Variants in SRF observed in about 807,000 individuals in gnomAD.
The protein encoded by SRF is c-fos serum response element-binding transcription factor.
Under a neutral mutation model 37.1 loss-of-function variants are expected in SRF, and 7 were observed. The observed-to-expected ratio is 0.19, with a 90% confidence interval of 0.11 to 0.35. SRF has a LOEUF of 0.35. SRF is among the 10% of genes least tolerant of loss of function. The pLI, the probability that SRF is intolerant of heterozygous loss-of-function variation, is 1.00. For missense variants in SRF, 395 were observed against 694.4 expected (o/e 0.57, Z 4.85); for synonymous variants, 285 against 310.1 (o/e 0.92, Z 0.85).
At position 43,176,015 on chromosome 6, in the gene SRF, A is replaced by G. The variant is rs1263545195; in HGVS notation, c.1042+48A>G. On this transcript the variant is annotated intron_variant, in intron 3 of 6. Transcript: ENST00000265354. The surrounding 1 kb of genome is among the most constrained non-coding windows in gnomAD (Gnocchi z 4.0). Reference sequence around the variant, plus strand: ...AGATTCGTCCTTCCTGGGGCAAATCAAGCATGCTAAGAGTGTGTTTAGGGC... The same window carrying G: ...AGATTCGTCCTTCCTGGGGCAAATCGAGCATGCTAAGAGTGTGTTTAGGGC... The G allele has an allele frequency of 6.3e-7, 1 of 1,593,222 alleles. No homozygotes were observed. The highest frequency in any genetic ancestry group is 8.5e-7 in the Non-Finnish European group (1 of 1,172,030).
rs1292717364 is a variant in SRF, at chr6:43,172,779, C to G, written c.513+610C>G. ...GGCCGTGAGTCTTCCATGGCATCCACTGGGAACCACATGCTCCTGGCAGGA... is the reference window on the plus strand; with the variant it reads ...GGCCGTGAGTCTTCCATGGCATCCAGTGGGAACCACATGCTCCTGGCAGGA... On this transcript the variant is annotated intron_variant, in intron 1 of 6. Coordinates refer to ENST00000265354, the MANE Select transcript of SRF (RefSeq NM_003131.4). This position sits in a 1 kb window ranked among gnomAD's most constrained non-coding sequence, Gnocchi z 5.7. Among the ~76,000 whole-genome samples the G allele has an allele frequency of 6.6e-6, 1 of 152,158 alleles. No homozygotes were observed. The highest frequency in any genetic ancestry group is 6.5e-5 in the Admixed American group (1 of 15,280).
Position 43,174,129 on chromosome 6 carries a change from C to T in SRF, c.780+16C>T. The T allele has an allele frequency of 6.2e-7, 1 of 1,613,146 alleles. No individual in the cohort carries two copies. The highest frequency in any genetic ancestry group is 8.5e-7 in the Non-Finnish European group (1 of 1,179,434). On this transcript the variant is annotated intron_variant, in intron 2 of 6. Coordinates refer to ENST00000265354, the MANE Select transcript of SRF (RefSeq NM_003131.4). ...GGAGACCAAGGTGTGTTTGGGTTGC[C>T]TATGTGAGAGGAGGGAAGGGAGTGG...
chr6:43,171,694 G>C lies in SRF; in HGVS notation c.38G>C (p.Gly13Ala), dbSNP rs1170745220. Residue 13 changes from glycine to alanine, a missense_variant, in exon 1 of 7, where the codon GGC becomes GCC. By Grantham distance (60) the Gly-to-Ala change is moderately conservative. Coordinates refer to ENST00000265354, the MANE Select transcript of SRF (RefSeq NM_003131.4). The surrounding 1 kb of genome is among the most constrained non-coding windows in gnomAD (Gnocchi z 6.5). ...PTQAGAAAAL[G>A]RGSALGGSLN... ...CAAGCTGGGGCCGCGGCGGCTCTGG[G>C]CCGGGGCTCGGCCCTGGGGGGCAGC... 25 of 1,209,378 alleles carry C rather than the reference G, an allele frequency of 2.1e-5. No individual in the cohort carries two copies. The highest frequency in any genetic ancestry group is 2.5e-5 in the Non-Finnish European group (24 of 972,232). 74.9% of individuals were successfully genotyped at this position (1,209,378 alleles called of 1,614,324 possible). A position where few individuals can be genotyped will look rare whatever the true frequency, so the allele number is the denominator to read the frequency against.
Position 43,173,695 on chromosome 6 carries a change from C to A in SRF, c.514-152C>A. On this transcript the variant is annotated intron_variant, in intron 1 of 6. Coordinates refer to ENST00000265354, the MANE Select transcript of SRF (RefSeq NM_003131.4). This position sits in a 1 kb window ranked among gnomAD's most constrained non-coding sequence, Gnocchi z 4.2. ...GGTAGTTTTGCTGCTTCCAGAGATC[C>A]TGATAGGACACCCTGCCCTCAGAGT... The A allele has an allele frequency of 9.4e-7, 1 of 1,067,512 alleles. No individual in the cohort carries two copies. Among genetic ancestry groups the A allele is most frequent in the Non-Finnish European group, 1.3e-6 (1 of 760,302 alleles). The allele number at this position is 1,067,512 out of a possible 1,614,324, so 66.1% of individuals were successfully genotyped here. A position where few individuals can be genotyped will look rare whatever the true frequency, so the allele number is the denominator to read the frequency against.
In SRF at chr6:43,172,173, C is replaced by G. The variant is rs1294475081; in HGVS notation, c.513+4C>G. 4.4e-6 allele frequency: 7 copies of G among 1,608,322 alleles called. No individual in the cohort carries two copies. Among genetic ancestry groups the G allele is most frequent in the Non-Finnish European group, 5.9e-6 (7 of 1,179,286 alleles). The stretch of plus-strand genomic sequence containing the variant: ...GAAGACGGGCATCATGAAGAAGGTA[C>G]CAAGCCGGGGGGCTGGCCGGCCCCG... On this transcript the variant is annotated splice_donor_region_variant and intron_variant, in intron 1 of 6. Transcript: ENST00000265354. The surrounding 1 kb of genome is among the most constrained non-coding windows in gnomAD (Gnocchi z 5.7).
chr6:43,173,766 G>A lies in SRF; in HGVS notation c.514-81G>A. ...ATGGGAATGGGGGAATGACATCACTGTATAATTCTTTTTCCAACTTCTCAA... is the reference window on the plus strand; with the variant it reads ...ATGGGAATGGGGGAATGACATCACTATATAATTCTTTTTCCAACTTCTCAA... On this transcript the variant is annotated intron_variant, in intron 1 of 6. Transcript: ENST00000265354. This position sits in a 1 kb window ranked among gnomAD's most constrained non-coding sequence, Gnocchi z 4.2. 2 of 1,534,522 alleles carry A rather than the reference G, an allele frequency of 1.3e-6. No individual in the cohort carries two copies. Among genetic ancestry groups the A allele is most frequent in the East Asian group, 2.3e-5 (1 of 44,318 alleles).
In SRF at chr6:43,173,738, A is replaced by G. The variant is rs182454585; in HGVS notation, c.514-109A>G. The G allele has an allele frequency of 1.4e-6, 2 of 1,426,384 alleles. No homozygotes were observed. The highest frequency in any genetic ancestry group is 2.2e-5 in the Admixed American group (1 of 45,022). 88.4% of individuals were successfully genotyped at this position (1,426,384 alleles called of 1,614,324 possible). A position where few individuals can be genotyped will look rare whatever the true frequency, so the allele number is the denominator to read the frequency against. ...CTCAGAGTCATTAGAGACGAAGGTCATTATGGGAATGGGGGAATGACATCA... is the reference window on the plus strand; with the variant it reads ...CTCAGAGTCATTAGAGACGAAGGTCGTTATGGGAATGGGGGAATGACATCA... On this transcript the variant is annotated intron_variant, in intron 1 of 6. Coordinates refer to ENST00000265354, the MANE Select transcript of SRF (RefSeq NM_003131.4). This position sits in a 1 kb window ranked among gnomAD's most constrained non-coding sequence, Gnocchi z 4.2.
Position 43,179,077 on chromosome 6 carries a change from A to C in SRF, c.1432-18A>C. On this transcript the variant is annotated intron_variant, in intron 6 of 6. Coordinates refer to ENST00000265354, the MANE Select transcript of SRF (RefSeq NM_003131.4). The surrounding 1 kb of genome is among the most constrained non-coding windows in gnomAD (Gnocchi z 5.3). ...CTGGCCAGTCCCTGCCCCTCCTCAT[A>C]CATCCCCTTCCCTCCAGATGGCTGT... 6.2e-7 allele frequency: 1 copy of C among 1,613,676 alleles called. No homozygotes were observed. The highest frequency in any genetic ancestry group is 8.5e-7 in the Non-Finnish European group (1 of 1,179,686).
intron 4 of SRF, among the ~76,000 whole-genome samples, chr6:43,177,914 CAAAA>C (rs748998373): frequency 1.7e-4 from 8 of 47,934 alleles, no homozygotes; most frequent in African/African-American, 4.8e-4. Flanking sequence ...GACTCCATCT[CAAAA>C]AAAAAAAAAA....
In SRF at chr6:43,176,455, T is replaced by A; in HGVS notation, c.1043-93T>A. 1 of 1,545,982 alleles carries A rather than the reference T, an allele frequency of 6.5e-7. No individual in the cohort carries two copies. The highest frequency in any genetic ancestry group is 8.8e-7 in the Non-Finnish European group (1 of 1,135,766). On this transcript the variant is annotated intron_variant, in intron 3 of 6. Coordinates refer to ENST00000265354, the MANE Select transcript of SRF (RefSeq NM_003131.4). This position sits in a 1 kb window ranked among gnomAD's most constrained non-coding sequence, Gnocchi z 4.0. ...GATAGTGATGGGAGTTGGAGACCAG[T>A]GTGCCAGACCCTGGGACTGGGGTGT... is the stretch of plus-strand genomic sequence containing the variant.
chr6:43,175,605 C>G (rs1284989437), intron 2 of SRF, 101 bp from the exon 3 acceptor site: 4 of 1,519,406 alleles, frequency 2.6e-6, no homozygotes, highest in Non-Finnish European at 3.6e-6. Flanking sequence ...GGATTTGAAC[C>G]CAAGCTCACT....
intron 2 of SRF, among the ~76,000 whole-genome samples, 199 bp downstream of exon 2, chr6:43,174,312 A>G (rs1231667224): frequency 6.6e-6 from 1 of 152,062 alleles, no homozygotes; most frequent in Admixed American, 6.5e-5. Flanking sequence ...CCGTGCCCAT[A>G]TAAGGCCGGC....
rs1222537690 is a variant in SRF, at chr6:43,181,213, T to TGTGAGC, written c.*2027_*2032dup. 1 of 152,794 alleles carries TGTGAGC rather than the reference T, an allele frequency of 6.5e-6. No homozygotes were observed. The highest frequency in any genetic ancestry group is 2.4e-5 in the African/African-American group (1 of 41,434). The allele number at this position is 152,794 out of a possible 1,614,324, so 9.5% of individuals were successfully genotyped here. ...GGCAAAGTGCTTATAATGTGTGTTGTGTGAGCGTGGCCTTGGGAGGACATG... is the reference window on the plus strand; with the variant it reads ...GGCAAAGTGCTTATAATGTGTGTTGTGTGAGCGTGAGCGTGGCCTTGGGAGGACATG... On this transcript the variant is annotated 3_prime_UTR_variant, in exon 7 of 7. Coordinates refer to ENST00000265354, the MANE Select transcript of SRF (RefSeq NM_003131.4).
intron 2 of SRF, among the ~76,000 whole-genome samples, chr6:43,174,417 G>A (rs1180271858): frequency 2.6e-5 from 4 of 152,344 alleles, no homozygotes; most frequent in Admixed American, 6.5e-5. Flanking sequence ...GGGCGGGGGT[G>A]TAGTTTAGCC....
At position 43,178,469 on chromosome 6, in the gene SRF, C is replaced by T. The variant is rs752358551; in HGVS notation, c.1338C>T (p.Ser446=). 1.4e-5 allele frequency: 22 copies of T among 1,613,392 alleles called. No homozygotes were observed. In the East Asian group the frequency reaches 4.5e-4, roughly 33 times the overall value. Residue 446 remains serine (S), a synonymous_variant, in exon 5 of 7, where the codon AGC becomes AGT. Coordinates refer to ENST00000265354, the MANE Select transcript of SRF (RefSeq NM_003131.4). This position sits in a 1 kb window ranked among gnomAD's most constrained non-coding sequence, Gnocchi z 4.3. ...CATCCACCATGCAGGTGTCACACAG[C>T]CAGGTCCAGGAGCCAGGTGAGTAGA... The part of the protein sequence containing the change: ...QAPSTMQVSH[S]QVQEPGGVPQ...
chr6:43,179,948 A>T lies in SRF; in HGVS notation c.*758A>T, dbSNP rs1381925731. 1 of 152,320 alleles carries T rather than the reference A, an allele frequency of 6.6e-6. No homozygotes were observed. Among genetic ancestry groups the T allele is most frequent in the African/African-American group, 2.4e-5 (1 of 41,436 alleles). The allele number at this position is 152,320 out of a possible 1,614,324, so 9.4% of individuals were successfully genotyped here. On this transcript the variant is annotated 3_prime_UTR_variant, in exon 7 of 7. Transcript: ENST00000265354. The surrounding 1 kb of genome is among the most constrained non-coding windows in gnomAD (Gnocchi z 5.3). ...AACAAATCTATAAATATATATTTTT[A>T]AAATATTTAACTTTTTTTTATGGCG...
intron 4 of SRF, among the ~76,000 whole-genome samples, chr6:43,177,226 C>CTTTTTTTTTTT (rs1562000896): frequency 1.8e-5 from 2 of 109,346 alleles, no homozygotes; most frequent in African/African-American, 1.1e-4. Flanking sequence ...GAATCGGAGT[C>CTTTTTTTTTTT]TGTTTTTTTT....
chr6:43,171,790 C>G lies in SRF; in HGVS notation c.134C>G (p.Pro45Arg). The change falls in exon 1 of 7, where the codon CCC becomes CGC. Residue 45 changes from proline to arginine, a missense_variant. Around this residue, in one of 4 missense-constraint regions of SRF, gnomAD observed 134 missense variants for 204.5 expected, o/e 0.66. Transcript: ENST00000265354. The surrounding 1 kb of genome is among the most constrained non-coding windows in gnomAD (Gnocchi z 6.5). The stretch of plus-strand genomic sequence containing the variant: ...CGCGGGGCTAACGGGGGCCGGGTCC[C>G]CGGGAATGGCGCGGGGCTCGGGCCC... ...GTRGANGGRVPGNGAGLGPGR... is the reference protein window; with the variant it reads ...GTRGANGGRVRGNGAGLGPGR... 8.2e-7 allele frequency: 1 copy of G among 1,218,114 alleles called. No individual in the cohort carries two copies. The highest frequency in any genetic ancestry group is 1.0e-6 in the Non-Finnish European group (1 of 979,702). The allele number at this position is 1,218,114 out of a possible 1,614,324, so 75.5% of individuals were successfully genotyped here. A position where few individuals can be genotyped will look rare whatever the true frequency, so the allele number is the denominator to read the frequency against.
chr6:43,176,714 A>G lies in SRF; in HGVS notation c.1162+47A>G. On this transcript the variant is annotated intron_variant, in intron 4 of 6. Transcript: ENST00000265354. This position sits in a 1 kb window ranked among gnomAD's most constrained non-coding sequence, Gnocchi z 4.0. Reference sequence around the variant, plus strand: ...CCCTCCCTCCCTGCCTTCCCCCACGAGGCCTAGCAGTAGGTGCCCAACAGT... The same window carrying G: ...CCCTCCCTCCCTGCCTTCCCCCACGGGGCCTAGCAGTAGGTGCCCAACAGT... The G allele has an allele frequency of 6.3e-7, 1 of 1,595,730 alleles. No individual in the cohort carries two copies. The highest frequency in any genetic ancestry group is 2.2e-5 in the East Asian group (1 of 44,548).
Sources: gnomAD v4.1 joint callset for allele counts (sites outside exome capture counted in the v4.1 genomes callset) on GRCh38, gnomAD v4.1.1 for gene constraint, gnomAD v4.1.1 regional missense constraint, Gnocchi (gnomAD v3.1) non-coding constraint, MANE v1.5 for transcripts, NCBI Gene and HGNC (gene_info 2026-07-23, HGNC 2026-07-21) for gene names.